Variants in MCOLN3 observed in about 807,000 individuals in gnomAD.
The protein encoded by MCOLN3 is mucolipin-3.
In MCOLN3, 62 loss-of-function variants were observed where a neutral mutation model predicts 69.4. The observed-to-expected ratio is 0.89, with a 90% confidence interval of 0.73 to 1.10. The LOEUF is 1.10. Among genes scored for constraint, MCOLN3 ranks in the 50% least tolerant of loss-of-function variants. The pLI, the probability that MCOLN3 is intolerant of heterozygous loss-of-function variation, is 0.00. For missense variants in MCOLN3, 564 were observed against 656.4 expected (o/e 0.86, Z 1.54); for synonymous variants, 183 against 217.0 (o/e 0.84, Z 1.38).
chr1:85,040,394 G>A (rs77494280), intron 3 of MCOLN3, among the ~76,000 whole-genome samples: 1 of 152,136 alleles, frequency 6.6e-6, no homozygotes, highest in Non-Finnish European at 1.5e-5. Context: ...CTTCAAGGAC[G>A]CTTTCAATGA....
intron 7 of MCOLN3, among the ~76,000 whole-genome samples, chr1:85,027,986 A>G (rs1274419733): frequency 2.6e-5 from 4 of 152,258 alleles, no homozygotes; most frequent in African/African-American, 9.6e-5. Context: ...CAAGGAGCAT[A>G]ATTACTACAT....
At chr1:85,019,317 C>A in intron 12 of MCOLN3, 60 bp from the exon 13 acceptor site, 1 of 1,532,142 alleles carries the variant, frequency 6.5e-7, no homozygotes, top group Non-Finnish European at 8.9e-7. Context: ...AGCTTCATTC[C>A]AAATTCAAAA....
At chr1:85,021,022 T>C in intron 12 of MCOLN3, 48 bp downstream of exon 12, 1 of 1,406,016 alleles carries the variant, frequency 7.1e-7, no homozygotes, top group South Asian at 1.3e-5. Flanking sequence ...ACTGCTACTC[T>C]ACAAGTTATA....
chr1:85,044,108 T>G (rs1299048975), intron 2 of MCOLN3, among the ~76,000 whole-genome samples: 2 of 152,152 alleles, frequency 1.3e-5, no homozygotes, highest in Non-Finnish European at 2.9e-5. Flanking sequence ...TTCTGTAAAA[T>G]GAGCCAGTAA....
intron 7 of MCOLN3, among the ~76,000 whole-genome samples, chr1:85,028,409 A>T (rs1652327546): frequency 6.6e-6 from 1 of 152,192 alleles, no homozygotes; most frequent in Admixed American, 6.5e-5. Context: ...GGTACCCAGG[A>T]TGATTCTTCT....
intron 12 of MCOLN3, among the ~76,000 whole-genome samples, chr1:85,020,780 CTTTA>C (rs1303507960): frequency 5.9e-5 from 9 of 152,140 alleles, no homozygotes; most frequent in Non-Finnish European, 1.2e-4. Flanking sequence ...CCTTATAATT[CTTTA>C]TTTAGTTTTT....
intron 6 of MCOLN3, chr1:85,029,519 T>TC: frequency 5.2e-6 from 1 of 193,800 alleles, no homozygotes; most frequent in Non-Finnish European, 1.0e-5. Context: ...CCAGATACCT[T>TC]CTTCATGTGA....
intron 6 of MCOLN3, among the ~76,000 whole-genome samples, chr1:85,032,222 G>T (rs962974451): frequency 6.6e-6 from 1 of 152,204 alleles, no homozygotes; most frequent in Non-Finnish European, 1.5e-5. Flanking sequence ...CTTACACTGT[G>T]TGCAGTGGTA....
rs1470627492 is a variant in MCOLN3, at chr1:85,041,068, G to A, written c.338C>T (p.Thr113Ile). The A allele has an allele frequency of 1.2e-6, 2 of 1,613,924 alleles. No individual in the cohort carries two copies. The highest frequency in any genetic ancestry group is 3.3e-5 in the Admixed American group (2 of 60,006). Residue 113 changes from threonine (T) to isoleucine (I), a missense_variant, in exon 3 of 13, where the codon ACA (threonine) becomes ATA (isoleucine). Physicochemically the swap from Thr to Ile is moderately conservative, Grantham distance 89 (BLOSUM62 -1). Coordinates refer to ENST00000370589, the MANE Select transcript of MCOLN3 (RefSeq NM_018298.11). ...GTCACTTTGTGTGTACACTGCATAT[G>A]TGTCATCCATTCGGTCCATATATCC... is the stretch of plus-strand genomic sequence containing the variant. ...LKGYMDRMDD[T>I]YAVYTQSDVY...
rs550757294 is a variant in MCOLN3, at chr1:85,026,004, T to C, written c.1030A>G (p.Met344Val). 1.9e-6 allele frequency: 3 copies of C among 1,600,286 alleles called. No homozygotes were observed. Among genetic ancestry groups the C allele is most frequent in the East Asian group, 2.2e-5 (1 of 44,774 alleles). ...QMEFVNGWYIMIIISDILTII... is the reference protein window; with the variant it reads ...QMEFVNGWYIVIIISDILTII... ...GTCAATATGTCACTAATAATAATCA[T>C]AATGTACCATCCATTGACAAATTCC... Residue 344 changes from methionine (M) to valine (V), a missense_variant, in exon 9 of 13, where the codon ATG becomes GTG. Met to Val is a conservative substitution (Grantham distance 21). Coordinates refer to ENST00000370589, the MANE Select transcript of MCOLN3 (RefSeq NM_018298.11).
At chr1:85,040,884 A>G (rs1192886598) in intron 3 of MCOLN3, 126 bp downstream of exon 3, 3 of 863,602 alleles carry the variant, frequency 3.5e-6, no homozygotes, top group South Asian at 4.3e-5. Context: ...ATAATTTTGT[A>G]TGTGTCATTT....
At chr1:85,033,023 C>T (rs1017209664) in intron 4 of MCOLN3, 67 bp from the exon 5 acceptor site, 7 of 1,229,292 alleles carry the variant, frequency 5.7e-6, no homozygotes, top group African/African-American at 3.0e-5. Context: ...AAGGCTGATA[C>T]ATTTAAGACC....
chr1:85,043,659 T>A (rs545598500), intron 2 of MCOLN3, among the ~76,000 whole-genome samples: 8 of 152,310 alleles, frequency 5.3e-5, no homozygotes, highest in Admixed American at 4.6e-4. Flanking sequence ...CAGGCTTTTC[T>A]CCTTTATAAG....
Position 85,045,337 on chromosome 1 carries a change from C to T in MCOLN3, c.24G>A (p.Val8=). 2 of 1,613,864 alleles carry T rather than the reference C, an allele frequency of 1.2e-6. No homozygotes were observed. The highest frequency in any genetic ancestry group is 8.5e-7 in the Non-Finnish European group (1 of 1,179,922). ...CCTCTTCATGAGAGCTGCAGCTACT[C>T]ACAACTACCTCAGGATCTGCCATCT... The part of the protein sequence containing the change: MADPEVV[V]SSCSSHEEEN... Residue 8 remains valine, a synonymous_variant, in exon 2 of 13, where the codon GTG becomes GTA. Coordinates refer to ENST00000370589, the MANE Select transcript of MCOLN3 (RefSeq NM_018298.11).
intron 3 of MCOLN3, among the ~76,000 whole-genome samples, chr1:85,034,602 A>G (rs116374241): frequency 3.9e-5 from 6 of 152,208 alleles, no homozygotes; most frequent in Non-Finnish European, 7.3e-5. Flanking sequence ...TCTTTAAACT[A>G]TCTCCTGTAA....
Position 85,034,376 on chromosome 1 carries a change from A to G in MCOLN3, c.397-125T>C. On this transcript the variant is annotated intron_variant, in intron 3 of 12. Coordinates refer to ENST00000370589, the MANE Select transcript of MCOLN3 (RefSeq NM_018298.11). ...TTGGGATAGAGACATTCACTTTGAT[A>G]AACAGGGTAAGTGACTTGCTGCTGT... The G allele has an allele frequency of 8.8e-6, 8 of 906,706 alleles. No individual in the cohort carries two copies. The South Asian group carries it at 1.3e-4, about 15-fold the overall frequency. The allele number at this position is 906,706 out of a possible 1,614,324, so 56.2% of individuals were successfully genotyped here. A position where few individuals can be genotyped will look rare whatever the true frequency, so the allele number is the denominator to read the frequency against.
chr1:85,046,539 TTAA>T (rs893997295), intron 1 of MCOLN3, among the ~76,000 whole-genome samples: 1 of 152,182 alleles, frequency 6.6e-6, no homozygotes, highest in Non-Finnish European at 1.5e-5. Context: ...ATTTGACATT[TTAA>T]TAATAACTTG....
intron 6 of MCOLN3, among the ~76,000 whole-genome samples, chr1:85,031,886 C>T (rs559381300): frequency 2.7e-5 from 4 of 149,410 alleles, no homozygotes; most frequent in Admixed American, 6.7e-5. Context: ...TCCTGGCTAA[C>T]GCGGTGAAAC....
chr1:85,038,425 A>G (rs1652905454), intron 3 of MCOLN3, among the ~76,000 whole-genome samples: 1 of 152,230 alleles, frequency 6.6e-6, no homozygotes, highest in East Asian at 1.9e-4. Flanking sequence ...AAAAGAAAAT[A>G]AGGTCTCTCA....
Sources: gnomAD v4.1 joint callset for allele counts (sites outside exome capture counted in the v4.1 genomes callset) on GRCh38, gnomAD v4.1.1 for gene constraint, MANE v1.5 for transcripts, NCBI Gene and HGNC (gene_info 2026-07-23, HGNC 2026-07-21) for gene names.